The following PKP2 variants were observed in gnomAD, a reference collection of about 807,000 sequenced individuals.
PKP2 encodes plakophilin-2.
In PKP2, 73 loss-of-function variants were observed where a neutral mutation model predicts 83.4. That is an observed-to-expected ratio of 0.88 (90% CI 0.72 to 1.06). The LOEUF is 1.06. PKP2 is among the 50% of genes least tolerant of loss of function. PKP2 has a pLI of 0.00. For missense variants in PKP2, 966 were observed against 1,065.4 expected (o/e 0.91, Z 1.30); for synonymous variants, 409 against 430.4 (o/e 0.95, Z 0.62).
At chr12:32,796,321 A>C (rs1592726486) in intron 10 of PKP2, 23 bp from the exon 11 acceptor site, 1 of 1,570,380 alleles carries the variant, frequency 6.4e-7, no homozygotes, top group East Asian at 2.3e-5. Context: ...AAAAAAAACA[A>C]AACACTTGAT....
chr12:32,818,840 T>G (rs1956344804), intron 9 of PKP2, among the ~76,000 whole-genome samples: 1 of 152,192 alleles, frequency 6.6e-6, no homozygotes, highest in Admixed American at 6.5e-5. Context: ...TGACCTAATT[T>G]TCATGTTTTC....
chr12:32,893,931 T>C (rs1957097806), intron 1 of PKP2: 1 of 147,640 alleles, frequency 6.8e-6, no homozygotes, highest in South Asian at 2.2e-4. Context: ...TTTTTTTTTT[T>C]TTTTTGAGAT....
intron 4 of PKP2, among the ~76,000 whole-genome samples, chr12:32,860,268 T>C (rs1229340601): frequency 6.6e-6 from 1 of 152,116 alleles, no homozygotes; most frequent in African/African-American, 2.4e-5. Context: ...ACAGAACTCC[T>C]GAGATGTGCA....
chr12:32,795,364 A>ACTG (rs1270247977), intron 11 of PKP2, among the ~76,000 whole-genome samples: 1 of 151,138 alleles, frequency 6.6e-6, no homozygotes, highest in African/African-American at 2.4e-5. Flanking sequence ...CTGTGTCATC[A>ACTG]CTGCTGCTGC....
intron 1 of PKP2, among the ~76,000 whole-genome samples, chr12:32,884,494 GTCTTCATT>G (rs1018689209): frequency 6.6e-6 from 1 of 151,998 alleles, no homozygotes; most frequent in Non-Finnish European, 1.5e-5. Context: ...GTTTCTTTGG[GTCTTCATT>G]TCTGAAGACT....
chr12:32,828,219 G>T (rs1368154716), intron 6 of PKP2, among the ~76,000 whole-genome samples: 1 of 152,106 alleles, frequency 6.6e-6, no homozygotes, highest in East Asian at 1.9e-4. Flanking sequence ...CATATTTAGG[G>T]GGATTCAGGT....
intron 4 of PKP2, among the ~76,000 whole-genome samples, chr12:32,858,084 AAT>A (rs869148477): frequency 0.013 from 878 of 66,880 alleles, 11 homozygotes; most frequent in East Asian, 0.052. Flanking sequence ...AAAAAAAAAA[AAT>A]ATATATATAT....
At chr12:32,802,243 T>A (rs959109507) in intron 10 of PKP2, among the ~76,000 whole-genome samples, 160 bp downstream of exon 10, 2 of 152,150 alleles carry the variant, frequency 1.3e-5, no homozygotes, top group Admixed American at 1.3e-4. Context: ...AGAAAGCCTG[T>A]TTGTGATATC....
At position 32,798,084 on chromosome 12, in the gene PKP2, G is replaced by GTTTTTT. The variant is rs10623676; in HGVS notation, c.2168-1792_2168-1787dup. Among the ~76,000 whole-genome samples the GTTTTTT allele has an allele frequency of 1.5e-3, 187 of 124,138 alleles. 14 individuals carry two copies. Among genetic ancestry groups the GTTTTTT allele is most frequent in the African/African-American group, 5.4e-3 (177 of 32,752 alleles). The allele number at this position is 124,138 out of a possible 152,430, so 81.4% of individuals were successfully genotyped here. Reference sequence around the variant, plus strand: ...CCAATACATAAGTAATACTACTCTTGTTTTTTTTTTTTTTTTGGAGATGGA... The same window carrying GTTTTTT: ...CCAATACATAAGTAATACTACTCTTGTTTTTTTTTTTTTTTTTTTTTTGGAGATGGA... On this transcript the variant is annotated intron_variant, in intron 10 of 12. Coordinates refer to ENST00000340811, the MANE Select transcript of PKP2 (RefSeq NM_001005242.3).
At chr12:32,826,089 G>C (rs1364922978) in intron 6 of PKP2, among the ~76,000 whole-genome samples, 4 of 151,910 alleles carry the variant, frequency 2.6e-5, no homozygotes, top group Non-Finnish European at 5.9e-5. Context: ...CGGATCATGA[G>C]GTCAGGAGAT....
intron 10 of PKP2, among the ~76,000 whole-genome samples, chr12:32,799,941 A>C (rs531601461): frequency 2.6e-5 from 4 of 152,244 alleles, no homozygotes; most frequent in Non-Finnish European, 4.4e-5. Context: ...AATTCTTAAA[A>C]GGTGTTAATA....
In PKP2 at chr12:32,878,357, C is replaced by A. The variant is rs2137949835; in HGVS notation, c.523G>T (p.Gly175Trp). Residue 175 changes from glycine to tryptophan, a missense_variant, in exon 3 of 13, where the codon GGG becomes TGG. Physicochemically the swap from Gly to Trp is radical, Grantham distance 184. Transcript: ENST00000340811. ...DYQYSQRSQAGHTLHHQESRR... is the reference protein window; with the variant it reads ...DYQYSQRSQAWHTLHHQESRR... ...CTTTCTTGGTGGTGCAGGGTGTGCC[C>A]AGCCTGGCTTCTCTGGCTGTACTGG... is the stretch of plus-strand genomic sequence containing the variant. 1.2e-6 allele frequency: 2 copies of A among 1,613,474 alleles called. No homozygotes were observed.
Position 32,796,140 on chromosome 12 carries a change from G to T in PKP2, c.2326C>A (p.Gln776Lys). The T allele has an allele frequency of 6.2e-7, 1 of 1,614,050 alleles. No homozygotes were observed. The highest frequency in any genetic ancestry group is 1.3e-5 in the African/African-American group (1 of 75,002). ...CCTGCACTAATGGCCATAATTTTCT[G>T]GATGCCCCCGGTGTTTAGAAGGTCG... is the stretch of plus-strand genomic sequence containing the variant. ...ARDLLNTGGI[Q>K]KIMAISAGDA... The change falls in exon 11 of 13, where the codon CAG becomes AAG. Residue 776 changes from glutamine (Q) to lysine (K), a missense_variant. Transcript: ENST00000340811.
intron 1 of PKP2, among the ~76,000 whole-genome samples, chr12:32,879,249 T>TC (rs1366214602): frequency 1.3e-5 from 2 of 152,254 alleles, no homozygotes; most frequent in African/African-American, 4.8e-5. Context: ...CAAAAGTTTT[T>TC]CAGCTGGGTG....
intron 3 of PKP2, among the ~76,000 whole-genome samples, chr12:32,870,634 T>G (rs1191166850): frequency 1.3e-5 from 2 of 152,196 alleles, no homozygotes; most frequent in African/African-American, 4.8e-5. Flanking sequence ...ATATTTTACA[T>G]TCATGGACTG....
chr12:32,839,171 T>G (rs1956567017), intron 6 of PKP2, among the ~76,000 whole-genome samples: 1 of 152,032 alleles, frequency 6.6e-6, no homozygotes, highest in African/African-American at 2.4e-5. Context: ...ATGTCTTCCA[T>G]TTTTGTTTGG....
chr12:32,803,075 A>T (rs1956196840), intron 9 of PKP2, among the ~76,000 whole-genome samples: 1 of 152,068 alleles, frequency 6.6e-6, no homozygotes, highest in Non-Finnish European at 1.5e-5. Context: ...AGTACTTTTA[A>T]ATGCAATCTT....
intron 1 of PKP2, among the ~76,000 whole-genome samples, chr12:32,886,972 C>A (rs143536370): frequency 0.011 from 1,643 of 151,310 alleles, 39 homozygotes; most frequent in African/African-American, 0.036. Flanking sequence ...GCACTCCAGG[C>A]TGGGTGACAG....
chr12:32,863,974 T>G (rs549265811), intron 4 of PKP2, among the ~76,000 whole-genome samples: 53 of 152,252 alleles, frequency 3.5e-4, no homozygotes, highest in African/African-American at 1.3e-3. Flanking sequence ...CAGGTGGGGT[T>G]TATGAATGGA....
Sources: gnomAD v4.1 joint callset for allele counts (sites outside exome capture counted in the v4.1 genomes callset) on GRCh38, gnomAD v4.1.1 for gene constraint, MANE v1.5 for transcripts, NCBI Gene and HGNC (gene_info 2026-07-23, HGNC 2026-07-21) for gene names.